Variants in HDAC7 observed in about 807,000 individuals in gnomAD.
HDAC7 encodes histone deacetylase 7A.
In HDAC7, 26 loss-of-function variants were observed where a neutral mutation model predicts 115.5. The observed-to-expected ratio is 0.23, with a 90% CI of 0.16 to 0.31. The LOEUF (loss-of-function observed/expected upper bound fraction) is 0.31, where lower values mean the gene tolerates loss of function less well. HDAC7 is among the 10% of genes least tolerant of loss of function. The pLI, the probability that HDAC7 is intolerant of heterozygous loss-of-function variation, is 1.00. For synonymous variants in HDAC7, 564 were observed against 550.9 expected (o/e 1.02, Z -0.33); for missense variants, 1,068 against 1,329.0 (o/e 0.80, Z 3.05).
intron 19 of HDAC7, chr12:47,788,514 G>A (rs1943298373): frequency 5.9e-6 from 1 of 170,510 alleles, no homozygotes; most frequent in African/African-American, 2.4e-5. Context: ...ACTCTGTCTT[G>A]CATAAAGTCA....
rs185747163 is a variant in HDAC7 at position 47,803,668 on chromosome 12, T to G, written c.20-1394A>C. Among the ~76,000 whole-genome samples the G allele has an allele frequency of 5.6e-3, 860 of 152,306 alleles. 11 individuals carry two copies. Among genetic ancestry groups the G allele is most frequent in the African/African-American group, 0.019 (808 of 41,554 alleles). On this transcript the variant is annotated intron_variant, in intron 1 of 25. Transcript: ENST00000080059. The surrounding 1 kb of genome is among the most constrained non-coding windows in gnomAD (Gnocchi z 4.0). ...TCATCATGATCTCTGTGGTGCCCTG[T>G]GGAAGCCATGCCCATCTGCACCAAA...
At position 47,802,243 on chromosome 12, in the gene HDAC7, G is replaced by C. The variant is rs1944201704; in HGVS notation, c.51C>G (p.Tyr17Ter). ...TCTTACCTGCGCCAGTGGGGCTGCA[G>C]TAGTGGGCACCCGGGCTCACCTGGG... ...DGTQVSPGAH[Y>*]CSPTGAGCPR... Residue 17 changes from tyrosine (Y) to a stop codon, truncating the protein, a stop_gained, in exon 2 of 26, where the codon TAC becomes TAG. Coordinates refer to ENST00000080059, the MANE Select transcript of HDAC7 (RefSeq NM_015401.5). LOFTEE classifies it high-confidence loss of function. 6.2e-7 allele frequency: 1 copy of C among 1,613,888 alleles called. No homozygotes were observed. Among genetic ancestry groups the C allele is most frequent in the African/African-American group, 1.3e-5 (1 of 74,904 alleles).
At chr12:47,817,064 G>C (rs902280791) in intron 1 of HDAC7, among the ~76,000 whole-genome samples, 3 of 152,220 alleles carry the variant, frequency 2.0e-5, no homozygotes, top group Non-Finnish European at 4.4e-5. Flanking sequence ...GTAGCCCTAA[G>C]GCCTGGGGCC....
chr12:47,789,912 A>G lies in HDAC7; in HGVS notation c.1992T>C (p.Thr664=). The G allele has an allele frequency of 6.2e-7, 1 of 1,612,300 alleles. No homozygotes were observed. Among genetic ancestry groups the G allele is most frequent in the Non-Finnish European group, 8.5e-7 (1 of 1,178,820 alleles). The part of the protein sequence containing the change: ...MLPCGGVGVD[T]DTIWNELHSS... ...AATGAAGCTCATTCCAGATGGTGTC[A>G]GTGTCCACCTGCGGGAGCCAGAGTC... is the stretch of plus-strand genomic sequence containing the variant. Residue 664 remains threonine (T), a synonymous_variant, in exon 17 of 26, where the codon ACT becomes ACC. Transcript: ENST00000080059.
rs780589170 is a variant in HDAC7, at chr12:47,783,861, C to T, written c.2956G>A (p.Glu986Lys). 6.2e-6 allele frequency: 10 copies of T among 1,611,756 alleles called. No individual in the cohort carries two copies. Among genetic ancestry groups the T allele is most frequent in the Admixed American group, 1.7e-5 (1 of 59,678 alleles). Residue 986 changes from glutamate to lysine, a missense_variant, in exon 26 of 26, where the codon GAA becomes AAA. By Grantham distance (56) the Glu-to-Lys change is moderately conservative. Transcript: ENST00000080059. ...GAGCCTTAGAGATTCATAGGTTCTT[C>T]CTCCTCCACCAGCTGCTCCGAGGGC... ...DRPSEQLVEE[E>K]EPMNL
Position 47,793,354 on chromosome 12 carries a change from TC to T in HDAC7, c.1678+14del. ...GAGCCCCTCCCTCCACCCGCCACCC[TC>T]CTCCCGGTCTCACCTGTGGTGAAGG... On this transcript the variant is annotated intron_variant, in intron 13 of 25. Transcript: ENST00000080059. This position sits in a 1 kb window ranked among gnomAD's most constrained non-coding sequence, Gnocchi z 4.5. 1 of 609,880 alleles carries T rather than the reference TC, an allele frequency of 1.6e-6. No individual in the cohort carries two copies. The highest frequency in any genetic ancestry group is 2.7e-6 in the Non-Finnish European group (1 of 371,898). 37.8% of individuals were successfully genotyped at this position (609,880 alleles called of 1,614,324 possible). A position where few individuals can be genotyped will look rare whatever the true frequency, so the allele number is the denominator to read the frequency against.
At chr12:47,784,798 C>A in intron 24 of HDAC7, 1 of 1,534,830 alleles carries the variant, frequency 6.5e-7, no homozygotes, top group Non-Finnish European at 8.7e-7. Context: ...TGTGAGGGCA[C>A]CCACCGTAAG....
Position 47,797,372 on chromosome 12 carries a change from T to G in HDAC7, c.577+12A>C. ...CCTTTGCCTGAAAGGTCCGCCTGTT[T>G]GTTCAGCTCACCTGTCTTGCGCAGA... On this transcript the variant is annotated intron_variant, in intron 6 of 25. Coordinates refer to ENST00000080059, the MANE Select transcript of HDAC7 (RefSeq NM_015401.5). The surrounding 1 kb of genome is among the most constrained non-coding windows in gnomAD (Gnocchi z 5.5). 1 of 1,612,124 alleles carries G rather than the reference T, an allele frequency of 6.2e-7. No homozygotes were observed. Among genetic ancestry groups the G allele is most frequent in the Non-Finnish European group, 8.5e-7 (1 of 1,178,208 alleles).
Position 47,798,502 on chromosome 12 carries a change from A to G in HDAC7, c.349+60T>C. The G allele has an allele frequency of 1.3e-6, 2 of 1,483,368 alleles. No homozygotes were observed. Among genetic ancestry groups the G allele is most frequent in the South Asian group, 2.3e-5 (2 of 87,930 alleles). The allele number at this position is 1,483,368 out of a possible 1,614,324, so 91.9% of individuals were successfully genotyped here. On this transcript the variant is annotated intron_variant, in intron 4 of 25. Coordinates refer to ENST00000080059, the MANE Select transcript of HDAC7 (RefSeq NM_015401.5). The surrounding 1 kb of genome is among the most constrained non-coding windows in gnomAD (Gnocchi z 4.3). ...CCACCTCACCCCTCACAAGCCACACAGGCAGCCGCAGGCACCTGGCTGGTG... is the reference window on the plus strand; with the variant it reads ...CCACCTCACCCCTCACAAGCCACACGGGCAGCCGCAGGCACCTGGCTGGTG...
chr12:47,812,760 G>A (rs1944721059), intron 1 of HDAC7, among the ~76,000 whole-genome samples: 1 of 152,190 alleles, frequency 6.6e-6, no homozygotes, highest in Non-Finnish European at 1.5e-5. Flanking sequence ...TTGAAACTAG[G>A]AAATCGAGTC....
chr12:47,810,546 T>C (rs1944607905), intron 1 of HDAC7, among the ~76,000 whole-genome samples: 1 of 152,178 alleles, frequency 6.6e-6, no homozygotes, highest in Non-Finnish European at 1.5e-5. Context: ...TCCTTTTTCA[T>C]CTTCTATTTC....
rs35753431 is a variant in HDAC7 at position 47,797,895 on chromosome 12, T to TGTGTGTGTGTGTGTGTGTGTGTGAGA, written c.461+212_461+213insTCTCACACACACACACACACACACAC. ...GTGTGTGTGTGTGTGTGTGTGTGTG[T>TGTGTGTGTGTGTGTGTGTGTGTGAGA]GAGAAGGGCTCAGGTGGGGTGGGGA... On this transcript the variant is annotated intron_variant, in intron 5 of 25. Coordinates refer to ENST00000080059, the MANE Select transcript of HDAC7 (RefSeq NM_015401.5). This position sits in a 1 kb window ranked among gnomAD's most constrained non-coding sequence, Gnocchi z 5.5. 4.2e-5 allele frequency among the ~76,000 whole-genome samples: 6 copies of TGTGTGTGTGTGTGTGTGTGTGTGAGA among 143,356 alleles called. No individual in the cohort carries two copies. Among genetic ancestry groups the TGTGTGTGTGTGTGTGTGTGTGTGAGA allele is most frequent in the African/African-American group, 1.1e-4 (4 of 36,396 alleles). The allele number at this position is 143,356 out of a possible 152,430, so 94.0% of individuals were successfully genotyped here.
chr12:47,791,364 C>A, intron 15 of HDAC7, 56 bp from the exon 16 acceptor site: 20 of 1,488,702 alleles, frequency 1.3e-5, no homozygotes, highest in Non-Finnish European at 1.8e-5. Flanking sequence ...TTTGGCCCAA[C>A]AGGGAGCAGG....
At chr12:47,801,767 G>A (rs777593462) in intron 2 of HDAC7, among the ~76,000 whole-genome samples, 1 of 152,164 alleles carries the variant, frequency 6.6e-6, no homozygotes, top group African/African-American at 2.4e-5. Context: ...GAGGAGGCTC[G>A]GGCCAGCAGA....
chr12:47,786,538 G>C (rs80095092), intron 22 of HDAC7, 47 bp downstream of exon 22: 21,787 of 1,385,440 alleles, frequency 0.016, 238 homozygotes, highest in Middle Eastern at 0.024. Context: ...TCCCCGCACC[G>C]CCTGGCTCTC....
chr12:47,792,029 G>T, intron 13 of HDAC7, 25 bp from the exon 14 acceptor site: 1 of 1,583,704 alleles, frequency 6.3e-7, no homozygotes, highest in South Asian at 1.1e-5. Context: ...GTCAGAGCGG[G>T]GACCCAGGGA....
Position 47,786,714 on chromosome 12 carries a change from A to G in HDAC7, c.2454-11T>C, listed in dbSNP as rs757515692. The G allele has an allele frequency of 6.2e-7, 1 of 1,605,864 alleles. No homozygotes were observed. Among genetic ancestry groups the G allele is most frequent in the Non-Finnish European group, 8.5e-7 (1 of 1,172,628 alleles). ...GGCATCACGACTATCCTGTGAGGTC[A>G]CAAGAAGTGGCGATCATCGTACTGT... On this transcript the variant is annotated splice_polypyrimidine_tract_variant and intron_variant, in intron 21 of 25. Coordinates refer to ENST00000080059, the MANE Select transcript of HDAC7 (RefSeq NM_015401.5).
At chr12:47,802,384 C>A (rs1944211004) in intron 1 of HDAC7, 110 bp from the exon 2 acceptor site, 1 of 1,530,296 alleles carries the variant, frequency 6.5e-7, no homozygotes, top group Admixed American at 1.9e-5. Context: ...AGCTTGAGCA[C>A]GCCAAAGCCT....
chr12:47,785,342 G>T (rs1217779917), intron 24 of HDAC7, 45 bp downstream of exon 24: 1 of 1,521,038 alleles, frequency 6.6e-7, no homozygotes, highest in South Asian at 1.2e-5. Context: ...GTACCACCAA[G>T]ATCCTTCAGT....
Sources: gnomAD v4.1 joint callset for allele counts (sites outside exome capture counted in the v4.1 genomes callset) on GRCh38, gnomAD v4.1.1 for gene constraint, Gnocchi (gnomAD v3.1) non-coding constraint, MANE v1.5 for transcripts, NCBI Gene and HGNC (gene_info 2026-07-23, HGNC 2026-07-21) for gene names.